The following ASB9 variants were observed in gnomAD, a reference collection of about 807,000 sequenced individuals.
The protein encoded by ASB9 is ankyrin repeat and SOCS box protein 9.
In ASB9, 5 loss-of-function variants were observed where a neutral mutation model predicts 16.6. The ratio of observed to expected loss-of-function variants is 0.30; its 90% confidence interval spans 0.16 to 0.63. The LOEUF (loss-of-function observed/expected upper bound fraction) is 0.63. Among genes scored for constraint, ASB9 ranks in the 30% least tolerant of loss-of-function variants. ASB9 has a pLI of 0.82. For missense variants in ASB9, 216 were observed against 229.4 expected, an observed-to-expected ratio of 0.94 and a Z score of 0.38; for synonymous variants, 100 against 86.4, an observed-to-expected ratio of 1.16 and a Z score of -0.87.
At chrX:15,259,312 G>A (rs1056334181) in intron 1 of ASB9, among the ~76,000 whole-genome samples, 25 of 112,508 alleles carry the variant, frequency 2.2e-4, no homozygotes, top group African/African-American at 7.7e-4. Flanking sequence ...AGCTGTAGCT[G>A]TCAGTCTAGT....
rs187648987 is a variant in ASB9, at chrX:15,250,681, C to G, written c.434-117G>C. The G allele has an allele frequency of 3.5e-3, 2,141 of 613,071 alleles. 8 individuals carry two copies. The highest frequency in any genetic ancestry group is 0.011 in the South Asian group (273 of 25,500). The allele number at this position is 613,071 out of a possible 1,213,427, so 50.5% of individuals were successfully genotyped here. On this transcript the variant is annotated intron_variant, in intron 4 of 6. Coordinates refer to ENST00000380488, the MANE Select transcript of ASB9 (RefSeq NM_001031739.3). ...GCAGCTTATCCAGGGGACCAAAAAG[C>G]TATTTCCTTCAATTAGAATCAGGAG...
intron 5 of ASB9, 97 bp downstream of exon 5, chrX:15,250,333 C>T: frequency 1.0e-6 from 1 of 986,875 alleles, no homozygotes; most frequent in Non-Finnish European, 1.4e-6. Flanking sequence ...AACTCCATTG[C>T]CCACACTAAT....
chrX:15,252,135 T>C lies in ASB9; in HGVS notation c.433+119A>G, dbSNP rs1327440818. The C allele has an allele frequency of 2.1e-5, 17 of 812,837 alleles. No individual in the cohort carries two copies. The East Asian group carries it at 5.8e-4, about 28-fold the overall frequency. The allele number at this position is 812,837 out of a possible 1,213,427, so 67.0% of individuals were successfully genotyped here. A position where few individuals can be genotyped will look rare whatever the true frequency, so the allele number is the denominator to read the frequency against. On this transcript the variant is annotated intron_variant, in intron 4 of 6. Coordinates refer to ENST00000380488, the MANE Select transcript of ASB9 (RefSeq NM_001031739.3). ...GGCCAGGTCATGCTGATGCTTCCAG[T>C]CCTGGGACTCCATTTTGAGAACTAC...
chrX:15,248,592 G>A (rs1188287176), intron 6 of ASB9, 152 bp downstream of exon 6: 2 of 953,878 alleles, frequency 2.1e-6, no homozygotes, highest in Non-Finnish European at 2.8e-6. Context: ...GTATCTCATT[G>A]AATATTGAAT....
chrX:15,247,557 C>A (rs1339701364), intron 6 of ASB9, among the ~76,000 whole-genome samples: 1 of 112,398 alleles, frequency 8.9e-6, no homozygotes, highest in Non-Finnish European at 1.9e-5. Context: ...ATTAAAAATT[C>A]TATTTCACAA....
At chrX:15,267,425 T>TTTAAAAAAAAAAAAAAAATAC (rs377056337) in intron 1 of ASB9, among the ~76,000 whole-genome samples, 26 of 87,580 alleles carry the variant, frequency 3.0e-4, no homozygotes, top group Middle Eastern at 6.3e-3. Flanking sequence ...AAAATATATA[T>TTTAAAAAAAAAAAAAAAATAC]ATATATATAA....
At chrX:15,254,282 C>A (rs188695457) in intron 3 of ASB9, among the ~76,000 whole-genome samples, 1 of 112,340 alleles carries the variant, frequency 8.9e-6, no homozygotes, top group East Asian at 2.8e-4. Context: ...TAATTTTCCC[C>A]AACCCACCAT....
chrX:15,253,373 C>T (rs1162710889), intron 3 of ASB9, among the ~76,000 whole-genome samples: 1 of 111,916 alleles, frequency 8.9e-6, no homozygotes, highest in African/African-American at 3.2e-5. Context: ...GGGCGGGTCA[C>T]CTGAGGTCGG....
chrX:15,247,792 C>G (rs976663722), intron 6 of ASB9, among the ~76,000 whole-genome samples: 1 of 112,181 alleles, frequency 8.9e-6, no homozygotes, highest in Non-Finnish European at 1.9e-5. Flanking sequence ...ATCTTTTCTG[C>G]CTGACCAGCA....
rs1883187945 is a variant in ASB9, at chrX:15,250,714, A to G, written c.434-150T>C. ...TTCAATTAGAATCAGGAGTGATTTT[A>G]TTTTATTTCATTTTATTTTATTTTA... is the stretch of plus-strand genomic sequence containing the variant. On this transcript the variant is annotated intron_variant, in intron 4 of 6. Transcript: ENST00000380488. 1.5e-5 allele frequency: 7 copies of G among 454,348 alleles called. No individual in the cohort carries two copies. In the South Asian group the frequency reaches 3.2e-4, roughly 21 times the overall value. 37.4% of individuals were successfully genotyped at this position (454,348 alleles called of 1,213,427 possible).
intron 5 of ASB9, among the ~76,000 whole-genome samples, 180 bp from the exon 6 acceptor site, chrX:15,249,115 T>C (rs759800603): frequency 8.9e-6 from 1 of 112,291 alleles, no homozygotes; most frequent in South Asian, 3.7e-4. Flanking sequence ...TCCCACCTGA[T>C]AATGTTATTG....
At chrX:15,250,300 C>A (rs1924999121) in intron 5 of ASB9, 130 bp downstream of exon 5, 1 of 706,364 alleles carries the variant, frequency 1.4e-6, no homozygotes, top group African/African-American at 2.2e-5. Context: ...GGAACACAGT[C>A]AATATGAACC....
chrX:15,264,231 T>C (rs1926207844), intron 1 of ASB9, among the ~76,000 whole-genome samples: 2 of 111,468 alleles, frequency 1.8e-5, no homozygotes, highest in South Asian at 3.8e-4. Context: ...TGTTGTCACA[T>C]AGCATTCTCC....
At chrX:15,251,320 G>C (rs1219321572) in intron 4 of ASB9, among the ~76,000 whole-genome samples, 1 of 111,662 alleles carries the variant, frequency 9.0e-6, no homozygotes, top group Non-Finnish European at 1.9e-5. Flanking sequence ...GGGAGGAACA[G>C]GCCACAGCGG....
intron 5 of ASB9, among the ~76,000 whole-genome samples, 177 bp from the exon 6 acceptor site, chrX:15,249,112 T>C (rs772981614): frequency 1.8e-5 from 2 of 112,207 alleles, no homozygotes; most frequent in Non-Finnish European, 3.8e-5. Context: ...AAATCCCACC[T>C]GATAATGTTA....
At chrX:15,249,657 G>T (rs976328500) in intron 5 of ASB9, among the ~76,000 whole-genome samples, 1 of 112,487 alleles carries the variant, frequency 8.9e-6, no homozygotes, top group East Asian at 2.8e-4. Context: ...AATGTTAACT[G>T]ATCTGGTCTT....
intron 2 of ASB9, among the ~76,000 whole-genome samples, chrX:15,255,795 C>G (rs1184309868): frequency 3.6e-5 from 4 of 111,920 alleles, no homozygotes; most frequent in Non-Finnish European, 7.5e-5. Context: ...AAGAAATAGA[C>G]TGCTGCATGT....
chrX:15,268,544 G>C (rs754079743), intron 1 of ASB9, among the ~76,000 whole-genome samples: 16 of 101,423 alleles, frequency 1.6e-4, no homozygotes, highest in Admixed American at 4.2e-4. Flanking sequence ...TCCTGCCTCA[G>C]CCTCCCGAGT....
chrX:15,254,221 C>T (rs907567709), intron 3 of ASB9, among the ~76,000 whole-genome samples: 2 of 112,351 alleles, frequency 1.8e-5, no homozygotes, highest in South Asian at 7.4e-4. Context: ...AAATTGCTCA[C>T]TATCATTTCT....
Sources: gnomAD v4.1 joint callset for allele counts (sites outside exome capture counted in the v4.1 genomes callset) on GRCh38, gnomAD v4.1.1 for gene constraint, MANE v1.5 for transcripts, NCBI Gene and HGNC (gene_info 2026-07-23, HGNC 2026-07-21) for gene names.